Variants in MAL2 observed in about 807,000 individuals in gnomAD.
The protein encoded by MAL2 is protein MAL2.
MAL2 carries 17 observed loss-of-function variants against 18.1 expected under a neutral mutation model. The ratio of observed to expected loss-of-function variants is 0.94; its 90% CI spans 0.64 to 1.41. The LOEUF (loss-of-function observed/expected upper bound fraction) is 1.41. MAL2 is among the 40% of genes most tolerant of loss of function. The pLI is 0.00. For missense variants in MAL2, 222 were observed against 231.9 expected (o/e 0.96, Z 0.28); for synonymous variants, 102 against 102.3 (o/e 1.00, Z 0.02).
chr8:119,243,250 C>CAGTTGT (rs1818082789), intron 3 of MAL2, among the ~76,000 whole-genome samples, 167 bp from the exon 4 acceptor site: 1 of 148,642 alleles, frequency 6.7e-6, no homozygotes, highest in Non-Finnish European at 1.5e-5. Flanking sequence ...GGGAATAAAA[C>CAGTTGT]AGTTGTACAA....
intron 1 of MAL2, among the ~76,000 whole-genome samples, chr8:119,213,347 G>A (rs1817294895): frequency 6.8e-6 from 1 of 147,740 alleles, no homozygotes; most frequent in East Asian, 2.0e-4. Context: ...CTAGTAACAT[G>A]TATATGTTCT....
intron 3 of MAL2, among the ~76,000 whole-genome samples, chr8:119,242,870 G>C (rs1447312296): frequency 6.6e-6 from 1 of 152,208 alleles, no homozygotes; most frequent in African/African-American, 2.4e-5. Flanking sequence ...AGTTGGTGCT[G>C]AAGAAATTCT....
In MAL2 at chr8:119,243,704, C is replaced by T. The variant is rs900015019; in HGVS notation, c.*216C>T. ...TGGCCTTTTATTTTACATCTCTCCCCTTTTTCCCTTTCCCCCTTTATTTTC... is the reference window on the plus strand; with the variant it reads ...TGGCCTTTTATTTTACATCTCTCCCTTTTTTCCCTTTCCCCCTTTATTTTC... On this transcript the variant is annotated 3_prime_UTR_variant, in exon 4 of 4. Coordinates refer to ENST00000614891, the MANE Select transcript of MAL2 (RefSeq NM_052886.3). 2.1e-5 allele frequency: 8 copies of T among 382,476 alleles called. No individual in the cohort carries two copies. The highest frequency in any genetic ancestry group is 1.5e-4 in the African/African-American group (7 of 48,224). 23.7% of individuals were successfully genotyped at this position (382,476 alleles called of 1,614,324 possible). A position where few individuals can be genotyped will look rare whatever the true frequency, so the allele number is the denominator to read the frequency against.
At chr8:119,240,128 T>G in intron 2 of MAL2, 37 bp from the exon 3 acceptor site, 1 of 1,588,728 alleles carries the variant, frequency 6.3e-7, no homozygotes, top group Non-Finnish European at 8.6e-7. Flanking sequence ...AAAAATATTT[T>G]TTTTTAATTG....
chr8:119,208,759 C>T lies in MAL2; in HGVS notation c.132+155C>T. On this transcript the variant is annotated intron_variant, in intron 1 of 3. Coordinates refer to ENST00000614891, the MANE Select transcript of MAL2 (RefSeq NM_052886.3). This position sits in a 1 kb window ranked among gnomAD's most constrained non-coding sequence, Gnocchi z 4.3. ...TCCCTCCCGGGGTCCTCTCGGTGCCCCGCGCCGCCGCCCGGGCCCTCCCTC... is the reference window on the plus strand; with the variant it reads ...TCCCTCCCGGGGTCCTCTCGGTGCCTCGCGCCGCCGCCCGGGCCCTCCCTC... The T allele has an allele frequency of 1.7e-6, 2 of 1,146,894 alleles. No homozygotes were observed. The highest frequency in any genetic ancestry group is 1.1e-6 in the Non-Finnish European group (1 of 915,094). The allele number at this position is 1,146,894 out of a possible 1,614,324, so 71.0% of individuals were successfully genotyped here. A position where few individuals can be genotyped will look rare whatever the true frequency, so the allele number is the denominator to read the frequency against.
intron 1 of MAL2, chr8:119,209,190 C>T (rs1180990809): frequency 6.5e-6 from 1 of 152,982 alleles, no homozygotes; most frequent in African/African-American, 2.4e-5. Context: ...GGAGGCAGGG[C>T]AAGGAGAAAG....
chr8:119,232,852 ATAT>A (rs1257531289), intron 2 of MAL2, among the ~76,000 whole-genome samples: 1 of 152,308 alleles, frequency 6.6e-6, no homozygotes, highest in African/African-American at 2.4e-5. Context: ...TTAAAATTAC[ATAT>A]TATTAGGAGC....
intron 2 of MAL2, among the ~76,000 whole-genome samples, chr8:119,227,404 T>TA (rs1266119683): frequency 6.6e-6 from 1 of 152,176 alleles, no homozygotes; most frequent in African/African-American, 2.4e-5. Flanking sequence ...CCCAGAATGA[T>TA]ACGCTCTACA....
chr8:119,234,102 G>A (rs544121870), intron 2 of MAL2, among the ~76,000 whole-genome samples: 209 of 152,304 alleles, frequency 1.4e-3, no homozygotes, highest in African/African-American at 4.7e-3. Flanking sequence ...GTGGGTGCGC[G>A]CACCGTGCGC....
At chr8:119,242,025 G>T (rs1818057532) in intron 3 of MAL2, among the ~76,000 whole-genome samples, 1 of 152,070 alleles carries the variant, frequency 6.6e-6, no homozygotes, top group Non-Finnish European at 1.5e-5. Flanking sequence ...AAAGTTCAGG[G>T]ACTTTCCTAT....
chr8:119,237,901 C>G (rs941320269), intron 2 of MAL2, among the ~76,000 whole-genome samples: 5 of 152,188 alleles, frequency 3.3e-5, no homozygotes, highest in African/African-American at 1.2e-4. Flanking sequence ...CCCTCTCTCA[C>G]CATTCCTATT....
intron 2 of MAL2, among the ~76,000 whole-genome samples, chr8:119,233,327 A>G (rs1177302167): frequency 1.3e-5 from 2 of 152,252 alleles, no homozygotes; most frequent in East Asian, 1.9e-4. Flanking sequence ...AACTAAAATC[A>G]GAGCAGAACT....
intron 2 of MAL2, among the ~76,000 whole-genome samples, chr8:119,236,501 G>A (rs1349986993): frequency 4.0e-5 from 6 of 150,738 alleles, no homozygotes; most frequent in Non-Finnish European, 7.4e-5. Flanking sequence ...ATTTTTTTCA[G>A]CACCACACCA....
At chr8:119,214,057 T>C (rs1817306452) in intron 1 of MAL2, among the ~76,000 whole-genome samples, 1 of 152,216 alleles carries the variant, frequency 6.6e-6, no homozygotes, top group African/African-American at 2.4e-5. Context: ...ATAGAAATGT[T>C]GTACGTGGTG....
At chr8:119,229,567 C>T (rs535731722) in intron 2 of MAL2, among the ~76,000 whole-genome samples, 94 of 152,266 alleles carry the variant, frequency 6.2e-4, no homozygotes, top group African/African-American at 2.2e-3. Flanking sequence ...CCACATCGGC[C>T]TCCCAAAGTG....
chr8:119,216,033 A>G (rs1817347534), intron 1 of MAL2, among the ~76,000 whole-genome samples: 1 of 152,112 alleles, frequency 6.6e-6, no homozygotes. Context: ...TTCTGAATAT[A>G]CTGAACACTT....
chr8:119,233,352 C>CACAAAA lies in MAL2; in HGVS notation c.304-6811_304-6806dup, dbSNP rs540471235. 6.4e-3 allele frequency among the ~76,000 whole-genome samples: 974 copies of CACAAAA among 152,176 alleles called. 11 individuals carry two copies. The highest frequency in any genetic ancestry group is 0.022 in the African/African-American group (916 of 41,538). On this transcript the variant is annotated intron_variant, in intron 2 of 3. Coordinates refer to ENST00000614891, the MANE Select transcript of MAL2 (RefSeq NM_052886.3). ...AGAGCAGAACTGAAGGAAATAGAGA[C>CACAAAA]ACAAAAAACCCTCTAAAAAATTAAT...
chr8:119,227,223 CAT>C (rs931930920), intron 2 of MAL2, among the ~76,000 whole-genome samples: 4 of 152,172 alleles, frequency 2.6e-5, no homozygotes, highest in African/African-American at 9.7e-5. Context: ...GCCAAAACAA[CAT>C]ATGTGTCATC....
chr8:119,212,262 A>G (rs538107022), intron 1 of MAL2, among the ~76,000 whole-genome samples: 1 of 152,372 alleles, frequency 6.6e-6, no homozygotes, highest in Admixed American at 6.5e-5. Context: ...CACGAAAAAG[A>G]ATACAGATAA....
Sources: allele counts gnomAD v4.1 joint callset (sites outside exome capture counted in the v4.1 genomes callset), GRCh38; gene constraint gnomAD v4.1.1; non-coding constraint Gnocchi (gnomAD v3.1); transcripts MANE v1.5; gene names NCBI Gene and HGNC (gene_info 2026-07-23, HGNC 2026-07-21).